The following USP25 variants were observed in gnomAD, a reference collection of about 807,000 sequenced individuals.
USP25 encodes the protein ubiquitin specific peptidase 25, also known as ubiquitin carboxyl-terminal hydrolase 25.
In USP25, 85 loss-of-function variants were observed where a neutral mutation model predicts 158.5. The ratio of observed to expected loss-of-function variants is 0.54; its 90% CI spans 0.45 to 0.64. The LOEUF (loss-of-function observed/expected upper bound fraction) is 0.64. Ranked by LOEUF, USP25 falls within the 30% of genes least tolerant of loss-of-function variation. The pLI is 0.00. For missense variants in USP25, 1,242 were observed against 1,327.3 expected, an observed-to-expected ratio of 0.94 and a Z score of 1.00; for synonymous variants, 464 against 460.4, an observed-to-expected ratio of 1.01 and a Z score of -0.10.
At chr21:15,782,639 G>A (rs1256734080) in intron 4 of USP25, among the ~76,000 whole-genome samples, 1 of 152,164 alleles carries the variant, frequency 6.6e-6, no homozygotes. Flanking sequence ...GACATCGCAG[G>A]TGAGGATTCC....
chr21:15,815,521 G>A (rs2036894721), intron 9 of USP25, among the ~76,000 whole-genome samples: 1 of 152,210 alleles, frequency 6.6e-6, no homozygotes. Flanking sequence ...CAGGGGCGGA[G>A]CTGCCCAGGA....
At chr21:15,751,551 A>G (rs1391469850) in intron 1 of USP25, among the ~76,000 whole-genome samples, 2 of 152,210 alleles carry the variant, frequency 1.3e-5, no homozygotes, top group African/African-American at 2.4e-5. Flanking sequence ...CAAGAGAGCT[A>G]TAATAGGAAT....
chr21:15,877,872 A>G lies in USP25; in HGVS notation c.3086A>G (p.Asn1029Ser). 6.2e-7 allele frequency: 1 copy of G among 1,613,530 alleles called. No individual in the cohort carries two copies. The highest frequency in any genetic ancestry group is 8.5e-7 in the Non-Finnish European group (1 of 1,179,656). The change falls in exon 25 of 26, where the codon AAT (asparagine) becomes AGT (serine). Residue 1029 changes from asparagine (N) to serine (S), a missense_variant. Coordinates refer to ENST00000400183, the MANE Select transcript of USP25 (RefSeq NM_001283041.3). The part of the protein sequence containing the change: ...REVNNGLIIM[N>S]EFIVPFLPLL... ...GTAAACAATGGTTTGATTATCATGA[A>G]TGAGTTTATTGTCCCATTTTTGCCA...
chr21:15,779,293 T>C (rs1382828934), intron 4 of USP25, among the ~76,000 whole-genome samples: 2 of 152,022 alleles, frequency 1.3e-5, no homozygotes, highest in Non-Finnish European at 2.9e-5. Context: ...AAACGTGTAT[T>C]GCAATGCATA....
chr21:15,749,218 T>G (rs2032804199), intron 1 of USP25, among the ~76,000 whole-genome samples: 1 of 152,200 alleles, frequency 6.6e-6, no homozygotes, highest in Non-Finnish European at 1.5e-5. Flanking sequence ...CATATTTGAG[T>G]GCCTGGGCAA....
chr21:15,731,915 G>C (rs1311706784), intron 1 of USP25, among the ~76,000 whole-genome samples: 2 of 152,174 alleles, frequency 1.3e-5, no homozygotes, highest in Non-Finnish European at 2.9e-5. Context: ...ATTGTCTTCA[G>C]TGTTGAATAT....
At chr21:15,873,212 G>C (rs934087386) in intron 23 of USP25, among the ~76,000 whole-genome samples, 2 of 151,856 alleles carry the variant, frequency 1.3e-5, no homozygotes, top group Admixed American at 6.6e-5. Flanking sequence ...CTCAGCTCAA[G>C]AAGTCCTTCC....
intron 18 of USP25, among the ~76,000 whole-genome samples, chr21:15,844,477 A>G (rs961384533): frequency 5.9e-5 from 9 of 152,184 alleles, no homozygotes. Flanking sequence ...CATGGCATGT[A>G]GTAGGCACTG....
chr21:15,797,954 AT>A (rs1186859360), intron 5 of USP25, among the ~76,000 whole-genome samples: 1 of 151,264 alleles, frequency 6.6e-6, no homozygotes, highest in Non-Finnish European at 1.5e-5. Flanking sequence ...CAATTTATAA[AT>A]TTAGCCATTA....
rs375799455 is a variant in USP25, at chr21:15,748,817, G to A, written c.46-14074G>A. On this transcript the variant is annotated intron_variant, in intron 1 of 25. Coordinates refer to ENST00000400183, the MANE Select transcript of USP25 (RefSeq NM_001283041.3). ...TTTTGCAGAAGCTAATTTGGCATTT[G>A]TGGCTTCAACTAAGGAAATCGGTAT... 1.1e-4 allele frequency among the ~76,000 whole-genome samples: 17 copies of A among 152,232 alleles called. No homozygotes were observed. The East Asian group carries it at 1.9e-3, about 17-fold the overall frequency.
chr21:15,850,159 G>A (rs1052063094), intron 20 of USP25, among the ~76,000 whole-genome samples: 1 of 152,060 alleles, frequency 6.6e-6, no homozygotes, highest in South Asian at 2.1e-4. Flanking sequence ...TTTATTTGAA[G>A]GGAATGAGGA....
At chr21:15,874,325 A>G in intron 23 of USP25, 78 bp from the exon 24 acceptor site, 3 of 1,302,608 alleles carry the variant, frequency 2.3e-6, no homozygotes, top group Non-Finnish European at 3.2e-6. Flanking sequence ...ATATACTTAA[A>G]ATGTTTCATA....
At chr21:15,802,333 A>T (rs572541150) in intron 6 of USP25, among the ~76,000 whole-genome samples, 37 of 151,722 alleles carry the variant, frequency 2.4e-4, no homozygotes, top group Admixed American at 2.1e-3. Context: ...TTTGAATTTT[A>T]CAAATAAAAG....
In USP25 at chr21:15,796,644, T is replaced by C. The variant is rs150244637; in HGVS notation, c.556-3113T>C. Among the ~76,000 whole-genome samples the C allele has an allele frequency of 2.1e-3, 322 of 151,594 alleles. 2 individuals are homozygous for C. Among genetic ancestry groups the C allele is most frequent in the African/African-American group, 7.6e-3 (315 of 41,474 alleles). On this transcript the variant is annotated intron_variant, in intron 5 of 25. Coordinates refer to ENST00000400183, the MANE Select transcript of USP25 (RefSeq NM_001283041.3). ...CAGGCTTCCTAGTTTCTGAATTATATAGTTTTAAGTTATCTCAGAATTTAT... is the reference window on the plus strand; with the variant it reads ...CAGGCTTCCTAGTTTCTGAATTATACAGTTTTAAGTTATCTCAGAATTTAT...
In USP25 at chr21:15,834,455, C is replaced by G. The variant is rs901112572; in HGVS notation, c.2194+907C>G. ...GAATAACTTTTTTTTTTTGCAAGAT[C>G]TGCATGTTTTGTGTTTTAAGGAAGT... On this transcript the variant is annotated intron_variant, in intron 17 of 25. Transcript: ENST00000400183. Among the ~76,000 whole-genome samples, 7 of 150,956 alleles carry G rather than the reference C, an allele frequency of 4.6e-5. No individual in the cohort carries two copies. In the East Asian group the frequency reaches 1.4e-3, roughly 29 times the overall value.
At chr21:15,764,604 A>G (rs144955411) in intron 2 of USP25, among the ~76,000 whole-genome samples, 123 of 152,252 alleles carry the variant, frequency 8.1e-4, no homozygotes, top group African/African-American at 2.8e-3. Flanking sequence ...CAATTTGTGT[A>G]AATTCCTGCT....
At chr21:15,828,303 A>G (rs1299636000) in intron 14 of USP25, among the ~76,000 whole-genome samples, 2 of 152,244 alleles carry the variant, frequency 1.3e-5, no homozygotes, top group South Asian at 2.1e-4. Flanking sequence ...ATGAAGCACT[A>G]TATTAGGCGT....
At chr21:15,735,958 C>G (rs2031452393) in intron 1 of USP25, among the ~76,000 whole-genome samples, 2 of 143,376 alleles carry the variant, frequency 1.4e-5, no homozygotes, top group African/African-American at 5.5e-5. Flanking sequence ...AAGTTTTGTC[C>G]TAAATCTGTG....
chr21:15,866,214 TATATATACACACAC>T, intron 21 of USP25, 38 bp from the exon 22 acceptor site: 1 of 1,110,052 alleles, frequency 9.0e-7, no homozygotes. Context: ...TATATATATA[TATATATACACACAC>T]ATACACACAC....
Sources: allele counts gnomAD v4.1 joint callset (sites outside exome capture counted in the v4.1 genomes callset), GRCh38; gene constraint gnomAD v4.1.1; transcripts MANE v1.5; gene names NCBI Gene and HGNC (gene_info 2026-07-23, HGNC 2026-07-21).